The following HAUS4 variants were observed in gnomAD, a reference collection of about 807,000 sequenced individuals.
The protein encoded by HAUS4 is HAUS augmin like complex subunit 4.
A neutral mutation model predicts 50.6 loss-of-function variants in HAUS4; 34 were observed. The ratio of observed to expected loss-of-function variants is 0.67; its 90% CI spans 0.51 to 0.90. HAUS4 has a LOEUF of 0.90. HAUS4 is among the 40% of genes least tolerant of loss of function. HAUS4 has a pLI of 0.00. For missense variants in HAUS4, 370 were observed against 428.7 expected, an observed-to-expected ratio of 0.86 and a Z score of 1.21; for synonymous variants, 149 against 161.4, an observed-to-expected ratio of 0.92 and a Z score of 0.58.
At chr14:22,952,715 AC>A in intron 2 of HAUS4, 32 bp from the exon 3 acceptor site, 1 of 1,545,546 alleles carries the variant, frequency 6.5e-7, no homozygotes, top group South Asian at 1.2e-5. Context: ...GTACAAAAAA[AC>A]AAAAAAGGTG....
At position 22,951,363 on chromosome 14, in the gene HAUS4, T is replaced by C. The variant is rs775472865; in HGVS notation, c.465+192A>G. 494 of 639,042 alleles carry C rather than the reference T, an allele frequency of 7.7e-4. 3 individuals are homozygous for C. Among genetic ancestry groups the C allele is most frequent in the Admixed American group, 3.2e-4 (12 of 37,254 alleles). The allele number at this position is 639,042 out of a possible 1,614,324, so 39.6% of individuals were successfully genotyped here. A position where few individuals can be genotyped will look rare whatever the true frequency, so the allele number is the denominator to read the frequency against. On this transcript the variant is annotated intron_variant, in intron 5 of 9. Transcript: ENST00000541587. ...ACCATTTATGTCAAGCTGTTTATAA[T>C]AATATTGTGCTTCTAGATGCAGTAT...
Position 22,947,964 on chromosome 14 carries a change from C to T in HAUS4, c.612G>A (p.Glu204=). The change falls in exon 7 of 10, where the codon GAG becomes GAA. Residue 204 remains glutamate, a synonymous_variant. Coordinates refer to ENST00000541587, the MANE Select transcript of HAUS4 (RefSeq NM_001166269.2). ...VKAAKVWKLA[E]VLVGEQQQCQ... ...ACTGCTGCTGCTCACCCACCAGGAC[C>T]TCTGCGAGTTTCCACACCTTTGCTG... 6.2e-7 allele frequency: 1 copy of T among 1,614,008 alleles called. No homozygotes were observed. Among genetic ancestry groups the T allele is most frequent in the Admixed American group, 1.7e-5 (1 of 59,986 alleles).
rs75695432 is a variant in HAUS4, at chr14:22,950,328, T to C, written c.548A>G (p.Tyr183Cys). Residue 183 changes from tyrosine (Y) to cysteine (C), a missense_variant, in exon 6 of 10, where the codon TAT becomes TGT. Coordinates refer to ENST00000541587, the MANE Select transcript of HAUS4 (RefSeq NM_001166269.2). ...CTAGCACTCACCTGAATTGGGATCATAGTAGCAGAGCAGAGTGAAACATTT... is the reference window on the plus strand; with the variant it reads ...CTAGCACTCACCTGAATTGGGATCACAGTAGCAGAGCAGAGTGAAACATTT... ...KKKCFTLLCYYDPNSDADSET... is the reference protein window; with the variant it reads ...KKKCFTLLCYCDPNSDADSET... The C allele has an allele frequency of 1.9e-3, 3,009 of 1,603,640 alleles. 51 individuals carry two copies. In the African/African-American group the frequency reaches 0.036, roughly 19 times the overall value.
In HAUS4 at chr14:22,952,623, T is replaced by G; in HGVS notation, c.116A>C (p.Tyr39Ser). The change falls in exon 3 of 10, where the codon TAC becomes TCC. Residue 39 changes from tyrosine to serine, a missense_variant. Physicochemically the swap from Tyr to Ser is moderately radical, Grantham distance 144. Transcript: ENST00000541587. ...GAGATTCAGGAGAAGCTTGCTGAAG[T>G]ATGGGTTCTGTAACAGGTCCTCTTT... is the stretch of plus-strand genomic sequence containing the variant. ...LSKEDLLQNP[Y>S]FSKLLLNLSQ... 1 of 1,613,836 alleles carries G rather than the reference T, an allele frequency of 6.2e-7. No individual in the cohort carries two copies. The highest frequency in any genetic ancestry group is 8.5e-7 in the Non-Finnish European group (1 of 1,179,854).
intron 2 of HAUS4, among the ~76,000 whole-genome samples, 169 bp downstream of exon 2, chr14:22,954,931 T>C (rs2044831063): frequency 6.6e-6 from 1 of 152,048 alleles, no homozygotes; most frequent in Non-Finnish European, 1.5e-5. Context: ...TTCACCGTGT[T>C]AGCCAGGATG....
Position 22,952,690 on chromosome 14 carries a change from A to G in HAUS4, c.56-7T>C, listed in dbSNP as rs771207727. Reference sequence around the variant, plus strand: ...GGAAGTTGTTTGCTGCACACTTAACATCATGTCCCCACAGGTACAAAAAAA... The same window carrying G: ...GGAAGTTGTTTGCTGCACACTTAACGTCATGTCCCCACAGGTACAAAAAAA... On this transcript the variant is annotated splice_region_variant and splice_polypyrimidine_tract_variant and intron_variant, in intron 2 of 9. Transcript: ENST00000541587. 1.9e-6 allele frequency: 3 copies of G among 1,591,950 alleles called. No homozygotes were observed. The South Asian group carries it at 3.4e-5, about 18-fold the overall frequency.
chr14:22,950,427 A>T lies in HAUS4; in HGVS notation c.466-17T>A. 6.6e-7 allele frequency: 1 copy of T among 1,516,020 alleles called. No homozygotes were observed. Among genetic ancestry groups the T allele is most frequent in the African/African-American group, 1.4e-5 (1 of 73,262 alleles). The allele number at this position is 1,516,020 out of a possible 1,614,324, so 93.9% of individuals were successfully genotyped here. A position where few individuals can be genotyped will look rare whatever the true frequency, so the allele number is the denominator to read the frequency against. On this transcript the variant is annotated splice_polypyrimidine_tract_variant and intron_variant, in intron 5 of 9. Coordinates refer to ENST00000541587, the MANE Select transcript of HAUS4 (RefSeq NM_001166269.2). ...CACAAAATCCTACAGTCATAGAAGT[A>T]AAGGCAGAAATGCGAATAGACTGTA...
rs1290462452 is a variant in HAUS4, at chr14:22,950,020, C to T, written c.562+294G>A. On this transcript the variant is annotated intron_variant, in intron 6 of 9. Coordinates refer to ENST00000541587, the MANE Select transcript of HAUS4 (RefSeq NM_001166269.2). Reference sequence around the variant, plus strand: ...GCGCATGCCTGTAATCCCAGCTACTCGGGAGGCTGAGGCAGGAGAATCACT... The same window carrying T: ...GCGCATGCCTGTAATCCCAGCTACTTGGGAGGCTGAGGCAGGAGAATCACT... Among the ~76,000 whole-genome samples the T allele has an allele frequency of 3.3e-5, 5 of 151,090 alleles. No individual in the cohort carries two copies. The South Asian group carries it at 8.3e-4, about 25-fold the overall frequency.
In HAUS4 at chr14:22,947,668, A is replaced by G. The variant is rs2044669479; in HGVS notation, c.772T>C (p.Ser258Pro). 6.2e-7 allele frequency: 1 copy of G among 1,614,024 alleles called. No homozygotes were observed. The highest frequency in any genetic ancestry group is 1.3e-5 in the African/African-American group (1 of 74,916). ...TGGGCATTGATGCGGTCTAGCTCGG[A>G]TTGAGTCTTCAGCCGGTGTTCTTGA... is the stretch of plus-strand genomic sequence containing the variant. Reference protein sequence around the residue: ...LLQEHRLKTQSELDRINAQYL... With the variant: ...LLQEHRLKTQPELDRINAQYL... The change falls in exon 8 of 10, where the codon TCC becomes CCC. Residue 258 changes from serine to proline, a missense_variant. Physicochemically the swap from Ser to Pro is moderately conservative, Grantham distance 74. Coordinates refer to ENST00000541587, the MANE Select transcript of HAUS4 (RefSeq NM_001166269.2).
chr14:22,947,785 G>A (rs1566645009), intron 7 of HAUS4, 54 bp from the exon 8 acceptor site: 2 of 1,611,046 alleles, frequency 1.2e-6, no homozygotes, highest in East Asian at 2.2e-5. Context: ...TAGAAAGGAG[G>A]GTAGATCAGG....
At chr14:22,954,821 GTTCACACCA>G (rs547497238) in intron 2 of HAUS4, 59 of 331,224 alleles carry the variant, frequency 1.8e-4, no homozygotes, top group African/African-American at 1.1e-3. Flanking sequence ...CGCCTCCCAG[GTTCACACCA>G]TTCTCCTGCC....
rs889087652 is a variant in HAUS4, at chr14:22,955,205, A to G, written c.-22-29T>C. ...TGGAACCAAGAAGTGAAAGAAAACA[A>G]AAAGATGAATAAACAGCTGGCTGCT... On this transcript the variant is annotated intron_variant, in intron 1 of 9. Coordinates refer to ENST00000541587, the MANE Select transcript of HAUS4 (RefSeq NM_001166269.2). The G allele has an allele frequency of 9.0e-6, 12 of 1,331,208 alleles. No homozygotes were observed. The Admixed American group carries it at 1.5e-4, about 17-fold the overall frequency. The allele number at this position is 1,331,208 out of a possible 1,614,324, so 82.5% of individuals were successfully genotyped here.
Position 22,950,384 on chromosome 14 carries a change from T to C in HAUS4, c.492A>G (p.Leu164=). 1 of 1,612,698 alleles carries C rather than the reference T, an allele frequency of 6.2e-7. No homozygotes were observed. The highest frequency in any genetic ancestry group is 8.5e-7 in the Non-Finnish European group (1 of 1,178,764). The stretch of plus-strand genomic sequence containing the variant: ...TGAGCTGCTCCTCTACTTCTTGCTG[T>C]AGCCGAGCCCTCATCCACACAAAAT... ...SEDFVWMRAR[L]QQEVEEQLKK... is the part of the protein sequence containing the mutation. Residue 164 remains leucine, a synonymous_variant, in exon 6 of 10, where the codon CTA becomes CTG. Coordinates refer to ENST00000541587, the MANE Select transcript of HAUS4 (RefSeq NM_001166269.2).
At chr14:22,950,163 T>C (rs1434469616) in intron 6 of HAUS4, 151 bp downstream of exon 6, 1 of 432,316 alleles carries the variant, frequency 2.3e-6, no homozygotes, top group African/African-American at 2.0e-5. Context: ...AAAAAGTCCT[T>C]GTTTTTATTC....
intron 4 of HAUS4, 31 bp downstream of exon 4, chr14:22,952,297 T>C (rs755650670): frequency 6.3e-7 from 1 of 1,593,452 alleles, no homozygotes. Context: ...GGATTACAGG[T>C]GTTAGCCACC....
chr14:22,947,723 G>C lies in HAUS4; in HGVS notation c.717C>G (p.Leu239=). The C allele has an allele frequency of 1.2e-6, 2 of 1,614,080 alleles. No homozygotes were observed. The highest frequency in any genetic ancestry group is 1.6e-4 in the Middle Eastern group (1 of 6,062). The part of the protein sequence containing the change: ...KKSAAYSQVL[L]RCLTLLQRLL... The stretch of plus-strand genomic sequence containing the variant: ...GCCTCTGCAGCAAAGTGAGGCAGCG[G>C]AGAAGCACCTGAGCCCAAGATGGAG... The change falls in exon 8 of 10, where the codon CTC becomes CTG. Residue 239 remains leucine, a synonymous_variant. Transcript: ENST00000541587.
chr14:22,952,993 A>G (rs1040027327), intron 2 of HAUS4, among the ~76,000 whole-genome samples: 4 of 152,196 alleles, frequency 2.6e-5, no homozygotes, highest in Non-Finnish European at 5.9e-5. Context: ...AGGAATCACA[A>G]TACACAAAAT....
chr14:22,947,635 C>G lies in HAUS4; in HGVS notation c.805G>C (p.Glu269Gln), dbSNP rs368926217. 1.2e-6 allele frequency: 2 copies of G among 1,614,160 alleles called. No individual in the cohort carries two copies. Among genetic ancestry groups the G allele is most frequent in the Non-Finnish European group, 1.7e-6 (2 of 1,180,018 alleles). The change falls in exon 8 of 10, where the codon GAA (glutamate) becomes CAA (glutamine). Residue 269 changes from glutamate (E) to glutamine (Q), a missense_variant. By Grantham distance (29) the Glu-to-Gln change is conservative (BLOSUM62 2). Coordinates refer to ENST00000541587, the MANE Select transcript of HAUS4 (RefSeq NM_001166269.2). ...AGGATCATAGCACCGCACTTGACTT[C>G]CAGGTACTGGGCATTGATGCGGTCT... ...ELDRINAQYL[E>Q]VKCGAMILKL...
intron 5 of HAUS4, 34 bp from the exon 6 acceptor site, chr14:22,950,444 T>TAGAC (rs2044732150): frequency 7.4e-7 from 1 of 1,355,454 alleles, no homozygotes. Flanking sequence ...GAAATGCGAA[T>TAGAC]AGACTGTAAA....
Sources: gnomAD v4.1 joint callset for allele counts (sites outside exome capture counted in the v4.1 genomes callset) on GRCh38, gnomAD v4.1.1 for gene constraint, MANE v1.5 for transcripts, NCBI Gene and HGNC (gene_info 2026-07-23, HGNC 2026-07-21) for gene names.